Variants in PHEX observed in about 807,000 individuals in gnomAD.
PHEX encodes phosphate regulating endopeptidase X-linked.
Under a neutral mutation model 68.0 loss-of-function variants are expected in PHEX, and 16 were observed. That is an observed-to-expected ratio of 0.24 (90% CI 0.16 to 0.36). The LOEUF (loss-of-function observed/expected upper bound fraction) is 0.36, where lower values mean the gene tolerates loss of function less well. Ranked by LOEUF, PHEX falls within the 10% of genes least tolerant of loss-of-function variation. The pLI is 1.00. For synonymous variants in PHEX, 208 were observed against 205.1 expected (o/e 1.01, Z -0.12); for missense variants, 480 against 575.5 (o/e 0.83, Z 1.70).
intron 18 of PHEX, among the ~76,000 whole-genome samples, chrX:22,225,095 C>T (rs1935447042): frequency 1.0e-5 from 1 of 96,440 alleles, no homozygotes; most frequent in Non-Finnish European, 2.1e-5. Flanking sequence ...CTCGCCTTTT[C>T]TAGCTTTTAG....
intron 15 of PHEX, among the ~76,000 whole-genome samples, chrX:22,208,770 GA>G (rs1934793786): frequency 8.9e-6 from 1 of 111,901 alleles, no homozygotes; most frequent in African/African-American, 3.3e-5. Flanking sequence ...TGTTTCTACA[GA>G]CACACATGTA....
intron 12 of PHEX, among the ~76,000 whole-genome samples, chrX:22,159,392 C>T (rs1239937654): frequency 8.9e-6 from 1 of 112,045 alleles, no homozygotes; most frequent in Non-Finnish European, 1.9e-5. Flanking sequence ...ATGCCTGGAA[C>T]CCCAGTACTT....
At chrX:22,111,606 A>C in intron 10 of PHEX, 46 bp downstream of exon 10, 1 of 915,980 alleles carries the variant, frequency 1.1e-6, no homozygotes. Context: ...ATAACTTTAC[A>C]TGCTGGAATA....
chrX:22,091,474 G>C (rs760284503), intron 6 of PHEX, among the ~76,000 whole-genome samples: 1 of 111,928 alleles, frequency 8.9e-6, no homozygotes, highest in Non-Finnish European at 1.9e-5. Flanking sequence ...TCAGATTCTT[G>C]TTAACTCTTG....
At chrX:22,207,646 A>C (rs565955095) in intron 15 of PHEX, among the ~76,000 whole-genome samples, 4 of 111,380 alleles carry the variant, frequency 3.6e-5, no homozygotes, top group Non-Finnish European at 5.7e-5. Context: ...TTTTTTATAC[A>C]TACTGTTGTC....
chrX:22,198,264 T>TTA lies in PHEX; in HGVS notation c.1645+7775_1645+7776dup, dbSNP rs199639416. Among the ~76,000 whole-genome samples the TTA allele has an allele frequency of 3.4e-4, 30 of 89,018 alleles. No individual in the cohort carries two copies. In the East Asian group the frequency reaches 3.4e-3, roughly 10 times the overall value. 77.3% of individuals were successfully genotyped at this position (89,018 alleles called of 115,157 possible). Reference sequence around the variant, plus strand: ...TAACCCTATAGGATGGTTACTACTATTATATATATATATAAAATGCTTGGT... The same window carrying TTA: ...TAACCCTATAGGATGGTTACTACTATTATATATATATATATAAAATGCTTGGT... On this transcript the variant is annotated intron_variant, in intron 15 of 21. Transcript: ENST00000379374.
intron 12 of PHEX, among the ~76,000 whole-genome samples, chrX:22,149,946 A>G (rs973939928): frequency 9.0e-6 from 1 of 111,499 alleles, no homozygotes; most frequent in African/African-American, 3.3e-5. Context: ...AGAATAGAAA[A>G]GGAGAAAGTC....
At chrX:22,232,419 C>A (rs1935784627) in intron 20 of PHEX, among the ~76,000 whole-genome samples, 1 of 109,721 alleles carries the variant, frequency 9.1e-6, no homozygotes, top group Non-Finnish European at 1.9e-5. Flanking sequence ...CTTTGTAGGT[C>A]TCTAAGGACT....
chrX:22,135,000 T>C (rs1932170894), intron 12 of PHEX, among the ~76,000 whole-genome samples: 1 of 112,279 alleles, frequency 8.9e-6, no homozygotes, highest in Non-Finnish European at 1.9e-5. Flanking sequence ...CGTAGAGTTT[T>C]AGCAAGGATA....
Position 22,076,431 on chromosome X carries a change from C to T in PHEX, c.393C>T (p.Ala131=), listed in dbSNP as rs762351671. Residue 131 remains alanine, a synonymous_variant, in exon 4 of 22, where the codon GCC becomes GCT. Coordinates refer to ENST00000379374, the MANE Select transcript of PHEX (RefSeq NM_000444.6). ...KSISRRRDTE[A]IQKAKILYSS... is the part of the protein sequence containing the mutation. ...TCAGTAGAAGGCGGGACACCGAAGC[C>T]ATACAGAAAGCCAAAATCCTTTATT... The T allele has an allele frequency of 8.3e-7, 1 of 1,207,966 alleles. No homozygotes were observed. Among genetic ancestry groups the T allele is most frequent in the African/African-American group, 1.7e-5 (1 of 57,761 alleles).
intron 14 of PHEX, among the ~76,000 whole-genome samples, chrX:22,182,273 T>C (rs1933904864): frequency 8.9e-6 from 1 of 111,824 alleles, no homozygotes; most frequent in African/African-American, 3.3e-5. Context: ...CGAGAGTTTT[T>C]ATCCTGAAAC....
rs747974210 is a variant in PHEX at position 22,133,643 on chromosome X, GA to G, written c.1404+28del. 127 of 1,077,304 alleles carry G rather than the reference GA, an allele frequency of 1.2e-4. No individual in the cohort carries two copies. Among genetic ancestry groups the G allele is most frequent in the South Asian group, 3.3e-4 (17 of 51,819 alleles). 88.8% of individuals were successfully genotyped at this position (1,077,304 alleles called of 1,213,427 possible). The stretch of plus-strand genomic sequence containing the variant: ...AGAAAAGGTAAGGATTCCTTTTGAT[GA>G]AAAAAAAATAAGACTTCTGGTTTAA... On this transcript the variant is annotated intron_variant, in intron 12 of 21. Coordinates refer to ENST00000379374, the MANE Select transcript of PHEX (RefSeq NM_000444.6).
intron 14 of PHEX, among the ~76,000 whole-genome samples, chrX:22,182,221 C>T (rs1268271254): frequency 8.9e-6 from 1 of 111,802 alleles, no homozygotes; most frequent in Non-Finnish European, 1.9e-5. Flanking sequence ...TCATATATGA[C>T]TATTACTGTG....
In PHEX at chrX:22,128,775, GA is replaced by G. The variant is rs757401880; in HGVS notation, c.1303-4746del. Among the ~76,000 whole-genome samples the G allele has an allele frequency of 2.7e-5, 3 of 109,727 alleles. No homozygotes were observed. In the Admixed American group the frequency reaches 2.9e-4, roughly 11 times the overall value. The stretch of plus-strand genomic sequence containing the variant: ...ACATCCTGGCCAGGGTATTGAGAGG[GA>G]ACCTTTTATTGTCCTCTTTGTCCCT... On this transcript the variant is annotated intron_variant, in intron 11 of 21. Coordinates refer to ENST00000379374, the MANE Select transcript of PHEX (RefSeq NM_000444.6).
intron 13 of PHEX, among the ~76,000 whole-genome samples, chrX:22,168,907 G>C (rs779542511): frequency 9.0e-6 from 1 of 111,372 alleles, no homozygotes; most frequent in Non-Finnish European, 1.9e-5. Flanking sequence ...GATGAAAAAT[G>C]GTCATAATTC....
intron 20 of PHEX, among the ~76,000 whole-genome samples, chrX:22,238,835 A>C (rs896269184): frequency 1.2e-4 from 13 of 111,889 alleles, no homozygotes; most frequent in African/African-American, 4.2e-4. Flanking sequence ...CAGCAGACTT[A>C]AACGTCCCTG....
intron 12 of PHEX, among the ~76,000 whole-genome samples, chrX:22,142,094 T>C (rs1256875918): frequency 9.0e-6 from 1 of 111,044 alleles, no homozygotes; most frequent in African/African-American, 3.3e-5. Context: ...CTACTAAAAA[T>C]ACAAAAAATT....
intron 12 of PHEX, among the ~76,000 whole-genome samples, chrX:22,144,076 A>G (rs912557062): frequency 6.3e-5 from 7 of 111,703 alleles, no homozygotes; most frequent in South Asian, 3.8e-4. Context: ...CAAGATGGGC[A>G]GTTTTGGGGG....
chrX:22,237,868 A>G (rs971878767), intron 20 of PHEX, among the ~76,000 whole-genome samples: 1 of 112,675 alleles, frequency 8.9e-6, no homozygotes, highest in Non-Finnish European at 1.9e-5. Flanking sequence ...CTCAAGTCAT[A>G]TGGCAAGTCA....
Sources: gnomAD v4.1 joint callset for allele counts (sites outside exome capture counted in the v4.1 genomes callset) on GRCh38, gnomAD v4.1.1 for gene constraint, MANE v1.5 for transcripts, NCBI Gene and HGNC (gene_info 2026-07-23, HGNC 2026-07-21) for gene names.